The following KMT2C variants were observed in gnomAD, a reference collection of about 807,000 sequenced individuals.
The protein encoded by KMT2C is lysine methyltransferase 2C.
Under a neutral mutation model 507.9 loss-of-function variants are expected in KMT2C, and 88 were observed. The ratio of observed to expected loss-of-function variants is 0.17; its 90% confidence interval spans 0.15 to 0.21. The LOEUF (loss-of-function observed/expected upper bound fraction) is 0.21. KMT2C is among the 10% of genes least tolerant of loss of function. The pLI is 1.00. For synonymous variants in KMT2C, 2,049 were observed against 2,080.8 expected (o/e 0.98, Z 0.42); for missense variants, 4,954 against 5,957.8 (o/e 0.83, Z 5.55).
chr7:152,186,740 T>C (rs1338647120), intron 33 of KMT2C, among the ~76,000 whole-genome samples: 1 of 152,236 alleles, frequency 6.6e-6, no homozygotes, highest in Non-Finnish European at 1.5e-5. Flanking sequence ...ATTCAATAAT[T>C]GACATTTCAT....
intron 1 of KMT2C, chr7:152,368,771 A>G: frequency 2.6e-6 from 2 of 784,016 alleles, no homozygotes; most frequent in Admixed American, 2.8e-5. Flanking sequence ...ATAATGATGG[A>G]TTTAACAGCG....
intron 52 of KMT2C, among the ~76,000 whole-genome samples, chr7:152,147,707 CAA>C (rs762588729): frequency 6.4e-5 from 3 of 46,736 alleles, no homozygotes; most frequent in African/African-American, 1.6e-4. Context: ...AACTCCGTCT[CAA>C]AAAAAAAAAA....
chr7:152,252,794 G>T, intron 9 of KMT2C, 79 bp from the exon 10 acceptor site: 2 of 1,015,190 alleles, frequency 2.0e-6, no homozygotes, highest in Non-Finnish European at 2.9e-6. Context: ...CCTTTAAAAA[G>T]TCATGAATCA....
chr7:152,391,193 C>CTG (rs1191984390), intron 1 of KMT2C, among the ~76,000 whole-genome samples: 1 of 133,130 alleles, frequency 7.5e-6, no homozygotes, highest in African/African-American at 2.7e-5. Flanking sequence ...CTTTAACATT[C>CTG]TGTTGCATGT....
At chr7:152,146,848 G>T in intron 52 of KMT2C, 113 bp from the exon 53 acceptor site, 1 of 928,304 alleles carries the variant, frequency 1.1e-6, no homozygotes, top group Non-Finnish European at 1.6e-6. Context: ...AATAAATCCT[G>T]TTGGGCAATA....
chr7:152,287,575 C>T (rs1195270382), intron 6 of KMT2C, among the ~76,000 whole-genome samples: 1 of 152,108 alleles, frequency 6.6e-6, no homozygotes, highest in African/African-American at 2.4e-5. Flanking sequence ...ACTTAAAATG[C>T]AAAGGATTCA....
intron 1 of KMT2C, among the ~76,000 whole-genome samples, chr7:152,423,659 A>C (rs924145464): frequency 4.6e-5 from 7 of 152,166 alleles, no homozygotes; most frequent in African/African-American, 1.7e-4. Context: ...TACCCTCCAG[A>C]TTTTGAAGTG....
rs566521165 is a variant in KMT2C, at chr7:152,301,701, G to T, written c.849+8265C>A. ...CTATCTCTTAAAAACAGAAGTAGAA[G>T]CAAACAACTATAGGGGAAAATGAGG... On this transcript the variant is annotated intron_variant, in intron 6 of 58. Transcript: ENST00000262189. 4.6e-5 allele frequency among the ~76,000 whole-genome samples: 7 copies of T among 151,802 alleles called. No homozygotes were observed. The East Asian group carries it at 1.4e-3, about 29-fold the overall frequency.
At chr7:152,334,392 C>T (rs186948352) in intron 2 of KMT2C, among the ~76,000 whole-genome samples, 6 of 152,214 alleles carry the variant, frequency 3.9e-5, no homozygotes, top group East Asian at 3.9e-4. Context: ...GCGGAGGTTG[C>T]GGTGAGCCGA....
At chr7:152,257,448 A>G (rs1384201156) in intron 9 of KMT2C, among the ~76,000 whole-genome samples, 2 of 152,202 alleles carry the variant, frequency 1.3e-5, no homozygotes, top group East Asian at 3.9e-4. Context: ...TTCATATAGT[A>G]TTGAGTTTTG....
At chr7:152,311,058 GATT>G (rs529194389) in intron 5 of KMT2C, among the ~76,000 whole-genome samples, 7 of 151,994 alleles carry the variant, frequency 4.6e-5, no homozygotes, top group Non-Finnish European at 1.0e-4. Context: ...CTGAATTAGT[GATT>G]ATTTCTTCAA....
intron 1 of KMT2C, among the ~76,000 whole-genome samples, chr7:152,403,715 T>TACACAC (rs36191060): frequency 4.8e-4 from 69 of 143,760 alleles, no homozygotes; most frequent in East Asian, 6.4e-4. Flanking sequence ...CTGGGACACA[T>TACACAC]ACACACACAC....
intron 1 of KMT2C, among the ~76,000 whole-genome samples, chr7:152,363,267 T>C (rs2097211311): frequency 1.3e-5 from 2 of 152,232 alleles, no homozygotes; most frequent in Admixed American, 1.3e-4. Flanking sequence ...TCCCCTCTTT[T>C]TCCTGTCTCT....
In KMT2C at chr7:152,174,070, A is replaced by G; in HGVS notation, c.9374+61T>C. On this transcript the variant is annotated intron_variant, in intron 39 of 58. Coordinates refer to ENST00000262189, the MANE Select transcript of KMT2C (RefSeq NM_170606.3). ...CATTTTCTGTATGTTTTTTCTAAAA[A>G]CTAGTAATGATTTCATGAATGTCTA... 7 of 875,238 alleles carry G rather than the reference A, an allele frequency of 8.0e-6. No homozygotes were observed. The South Asian group carries it at 1.1e-4, about 14-fold the overall frequency. 54.2% of individuals were successfully genotyped at this position (875,238 alleles called of 1,614,324 possible).
chr7:152,340,689 G>A (rs1463628177), intron 2 of KMT2C, among the ~76,000 whole-genome samples: 1 of 152,154 alleles, frequency 6.6e-6, no homozygotes, highest in Non-Finnish European at 1.5e-5. Flanking sequence ...AATTTTCTCT[G>A]AGAGTTAACA....
chr7:152,367,762 C>T (rs1166652127), intron 1 of KMT2C: 2 of 1,024,516 alleles, frequency 2.0e-6, no homozygotes, highest in South Asian at 1.3e-5. Flanking sequence ...GATAGTAAAT[C>T]TGAGGACTAC....
At chr7:152,428,473 A>G (rs2097841742) in intron 1 of KMT2C, among the ~76,000 whole-genome samples, 1 of 150,224 alleles carries the variant, frequency 6.7e-6, no homozygotes, top group Non-Finnish European at 1.5e-5. Flanking sequence ...AAAAAAAAAA[A>G]AAAAAAAACT....
chr7:152,259,485 CACACAGAG>C (rs2095728684), intron 9 of KMT2C, among the ~76,000 whole-genome samples: 1 of 142,708 alleles, frequency 7.0e-6, no homozygotes, highest in East Asian at 2.0e-4. Context: ...CACACACACA[CACACAGAG>C]AAAGCAAGAG....
Position 152,162,514 on chromosome 7 carries a change from T to C in KMT2C, c.11063A>G (p.Asp3688Gly). 1 of 1,614,228 alleles carries C rather than the reference T, an allele frequency of 6.2e-7. No individual in the cohort carries two copies. Residue 3688 changes from aspartate (D) to glycine (G), a missense_variant, in exon 43 of 59, where the codon GAT (aspartate) becomes GGT (glycine). This residue lies in a region of KMT2C where 801 missense variants were observed against 751.2 expected (regional missense o/e 1.07). Transcript: ENST00000262189. The stretch of plus-strand genomic sequence containing the variant: ...TTGATTTGGAGTTGCTTGTGAGAAA[T>C]CACTATTGGGCAGTTTGTTCTCTAA... ...TELENKLPNSDFSQATPNQQT... is the reference protein window; with the variant it reads ...TELENKLPNSGFSQATPNQQT...
Sources: gnomAD v4.1 joint callset for allele counts (sites outside exome capture counted in the v4.1 genomes callset) on GRCh38, gnomAD v4.1.1 for gene constraint, gnomAD v4.1.1 regional missense constraint, MANE v1.5 for transcripts, NCBI Gene and HGNC (gene_info 2026-07-23, HGNC 2026-07-21) for gene names.